Variants in SPATS2L observed in about 807,000 individuals in gnomAD.
SPATS2L encodes SPATS2-like protein.
In SPATS2L, 30 loss-of-function variants were observed where a neutral mutation model predicts 59.6. The ratio of observed to expected loss-of-function variants is 0.50; its 90% CI spans 0.38 to 0.68. The LOEUF (loss-of-function observed/expected upper bound fraction) is 0.68. Ranked by LOEUF, SPATS2L falls within the 30% of genes least tolerant of loss-of-function variation. The pLI, the probability that SPATS2L is intolerant of heterozygous loss-of-function variation, is 0.00. For synonymous variants in SPATS2L, 252 were observed against 263.5 expected, an observed-to-expected ratio of 0.96 and a Z score of 0.42; for missense variants, 615 against 700.0, an observed-to-expected ratio of 0.88 and a Z score of 1.37.
rs1449455201 is a variant in SPATS2L at position 200,310,386 on chromosome 2, T to C, written c.-73+3464T>C. On this transcript the variant is annotated intron_variant, in intron 1 of 12. Coordinates refer to ENST00000409140, the MANE Select transcript of SPATS2L (RefSeq NM_001100423.2). ...AACTCTTCCTTTTTAATGGTTTCTC[T>C]GAGCCACCCCTGCATTTCGTTTTCA... Among the ~76,000 whole-genome samples the C allele has an allele frequency of 2.0e-5, 3 of 152,284 alleles. No individual in the cohort carries two copies. The East Asian group carries it at 5.8e-4, about 29-fold the overall frequency.
At chr2:200,359,895 T>G (rs1390892495) in intron 2 of SPATS2L, among the ~76,000 whole-genome samples, 1 of 152,220 alleles carries the variant, frequency 6.6e-6, no homozygotes, top group East Asian at 1.9e-4. Context: ...GTCCTTCTCT[T>G]CTGAACTTCT....
At chr2:200,455,664 T>C (rs546846904) in intron 8 of SPATS2L, among the ~76,000 whole-genome samples, 1 of 152,304 alleles carries the variant, frequency 6.6e-6, no homozygotes, top group East Asian at 1.9e-4. Flanking sequence ...GATTCTTCTG[T>C]GACTCATCAA....
At position 200,454,321 on chromosome 2, in the gene SPATS2L, A is replaced by G. The variant is rs553329172; in HGVS notation, c.789-5448A>G. Among the ~76,000 whole-genome samples the G allele has an allele frequency of 9.8e-4, 149 of 152,240 alleles. 1 individual carries two copies. The highest frequency in any genetic ancestry group is 3.4e-3 in the African/African-American group (142 of 41,524). On this transcript the variant is annotated intron_variant, in intron 8 of 12. Coordinates refer to ENST00000409140, the MANE Select transcript of SPATS2L (RefSeq NM_001100423.2). ...TTGATGGTCCTGTGGCTGCCTCTCT[A>G]TGGTGGCATCTTTGTATTTGAAGAA...
intron 1 of SPATS2L, among the ~76,000 whole-genome samples, chr2:200,314,642 C>T (rs1175281828): frequency 6.6e-6 from 1 of 152,104 alleles, no homozygotes; most frequent in African/African-American, 2.4e-5. Flanking sequence ...ATCCTGGTCC[C>T]CACTGTCTGC....
At chr2:200,307,297 G>C (rs2079054508) in intron 1 of SPATS2L, among the ~76,000 whole-genome samples, 1 of 151,658 alleles carries the variant, frequency 6.6e-6, no homozygotes, top group African/African-American at 2.4e-5. Flanking sequence ...CCGTCCTCCC[G>C]CGCGGGCGCC....
chr2:200,448,190 C>T (rs1478452950), intron 8 of SPATS2L, among the ~76,000 whole-genome samples: 2 of 152,134 alleles, frequency 1.3e-5, no homozygotes, highest in East Asian at 1.9e-4. Context: ...ACCTGTAATC[C>T]CAGCACTTTG....
intron 6 of SPATS2L, among the ~76,000 whole-genome samples, chr2:200,422,992 A>G (rs183029915): frequency 2.4e-4 from 36 of 152,334 alleles, no homozygotes; most frequent in African/African-American, 8.7e-4. Flanking sequence ...TCTGATCACC[A>G]AGACAGCCAC....
chr2:200,309,255 T>TA (rs2079121647), intron 1 of SPATS2L, among the ~76,000 whole-genome samples: 1 of 152,250 alleles, frequency 6.6e-6, no homozygotes, highest in Admixed American at 6.5e-5. Context: ...TTCATTCTAT[T>TA]ACTTTACACA....
At chr2:200,439,869 C>T (rs2084570094) in intron 7 of SPATS2L, among the ~76,000 whole-genome samples, 1 of 152,196 alleles carries the variant, frequency 6.6e-6, no homozygotes, top group South Asian at 2.1e-4. Flanking sequence ...CTTGGATATA[C>T]TTGATACGTA....
chr2:200,326,816 C>A (rs1400586877), intron 1 of SPATS2L, among the ~76,000 whole-genome samples: 1 of 151,886 alleles, frequency 6.6e-6, no homozygotes, highest in African/African-American at 2.4e-5. Context: ...CAACCTGCAG[C>A]CTCTGCCTTC....
At position 200,389,236 on chromosome 2, in the gene SPATS2L, A is replaced by G; in HGVS notation, c.-9A>G. 1 of 1,578,500 alleles carries G rather than the reference A, an allele frequency of 6.3e-7. No individual in the cohort carries two copies. The highest frequency in any genetic ancestry group is 8.6e-7 in the Non-Finnish European group (1 of 1,159,228). On this transcript the variant is annotated 5_prime_UTR_variant, in exon 3 of 13. Transcript: ENST00000409140. Reference sequence around the variant, plus strand: ...CCTTCTTTATAGGGCCTATTCCACTAGAAGCAAGATGGCTGAACTCAATAC... The same window carrying G: ...CCTTCTTTATAGGGCCTATTCCACTGGAAGCAAGATGGCTGAACTCAATAC...
intron 6 of SPATS2L, among the ~76,000 whole-genome samples, chr2:200,422,310 G>A (rs1220065077): frequency 1.3e-5 from 2 of 152,186 alleles, no homozygotes; most frequent in Non-Finnish European, 2.9e-5. Context: ...GCTGAGGCGG[G>A]AGGATTGTTT....
chr2:200,373,732 A>T (rs1036147543), intron 2 of SPATS2L, among the ~76,000 whole-genome samples: 9 of 152,166 alleles, frequency 5.9e-5, no homozygotes, highest in African/African-American at 2.2e-4. Context: ...ATATAATTTT[A>T]TTTTTTTGGA....
rs746254224 is a variant in SPATS2L, at chr2:200,478,078, C to G, written c.*47C>G. On this transcript the variant is annotated 3_prime_UTR_variant, in exon 13 of 13. Coordinates refer to ENST00000409140, the MANE Select transcript of SPATS2L (RefSeq NM_001100423.2). Reference sequence around the variant, plus strand: ...TTTCACTCAGTTTTGGTTCCCTGCCCGAGGTGCTGACCCAATTCGCTGCCA... The same window carrying G: ...TTTCACTCAGTTTTGGTTCCCTGCCGGAGGTGCTGACCCAATTCGCTGCCA... 1 of 1,502,278 alleles carries G rather than the reference C, an allele frequency of 6.7e-7. No homozygotes were observed. The highest frequency in any genetic ancestry group is 1.4e-5 in the African/African-American group (1 of 71,606). 93.1% of individuals were successfully genotyped at this position (1,502,278 alleles called of 1,614,324 possible).
chr2:200,328,411 T>G (rs2079825638), intron 1 of SPATS2L, among the ~76,000 whole-genome samples: 1 of 152,082 alleles, frequency 6.6e-6, no homozygotes, highest in Admixed American at 6.6e-5. Flanking sequence ...GGAGAAAAAG[T>G]TAGTCCAAAA....
At chr2:200,386,697 G>A (rs2082003767) in intron 2 of SPATS2L, among the ~76,000 whole-genome samples, 2 of 152,200 alleles carry the variant, frequency 1.3e-5, no homozygotes. Flanking sequence ...AATTAGATGT[G>A]TCCAGAAGAA....
intron 2 of SPATS2L, among the ~76,000 whole-genome samples, chr2:200,352,223 G>T (rs920279948): frequency 6.6e-6 from 1 of 150,540 alleles, no homozygotes; most frequent in African/African-American, 2.5e-5. Context: ...GATAGAAAAG[G>T]GCATATACTT....
chr2:200,473,048 A>G lies in SPATS2L; in HGVS notation c.1277A>G (p.Lys426Arg). Residue 426 changes from lysine to arginine, a missense_variant, in exon 12 of 13, where the codon AAG (lysine) becomes AGG (arginine). Transcript: ENST00000409140. ...DPSHQTMPAN[K>R]QNGSSNQRRR... ...TCTCACCAGACCATGCCGGCCAACA[A>G]GCAGGTAAGCCGACACTGGTGCAGG... The G allele has an allele frequency of 2.5e-6, 4 of 1,612,030 alleles. No individual in the cohort carries two copies. The highest frequency in any genetic ancestry group is 3.4e-6 in the Non-Finnish European group (4 of 1,178,912).
intron 4 of SPATS2L, among the ~76,000 whole-genome samples, chr2:200,414,007 C>T (rs2082974277): frequency 1.3e-5 from 2 of 152,146 alleles, no homozygotes; most frequent in Admixed American, 6.5e-5. Context: ...CAGATACAGT[C>T]TCTTTTCAGG....
Sources: gnomAD v4.1 joint callset for allele counts (sites outside exome capture counted in the v4.1 genomes callset) on GRCh38, gnomAD v4.1.1 for gene constraint, MANE v1.5 for transcripts, NCBI Gene and HGNC (gene_info 2026-07-23, HGNC 2026-07-21) for gene names.